The following VPS52 variants were observed in gnomAD, a reference collection of about 807,000 sequenced individuals.
The protein encoded by VPS52 is vacuolar protein sorting-associated protein 52 homolog.
In VPS52, 56 loss-of-function variants were observed where a neutral mutation model predicts 98.7. That is an observed-to-expected ratio of 0.57 (90% CI 0.46 to 0.71). The LOEUF is 0.71. Ranked by LOEUF, VPS52 falls within the 30% of genes least tolerant of loss-of-function variation. VPS52 has a pLI of 0.00. For missense variants in VPS52, 742 were observed against 925.9 expected (o/e 0.80, Z 2.58); for synonymous variants, 348 against 346.4 (o/e 1.00, Z -0.05).
intron 5 of VPS52, 120 bp from the exon 6 acceptor site, chr6:33,269,309 A>C: frequency 1.4e-6 from 2 of 1,438,296 alleles, no homozygotes; most frequent in Non-Finnish European, 1.9e-6. Context: ...AGATGATGAG[A>C]CACCCCAGAT....
At chr6:33,252,980 T>C (rs1762484150) in intron 17 of VPS52, among the ~76,000 whole-genome samples, 2 of 152,020 alleles carry the variant, frequency 1.3e-5, no homozygotes, top group Non-Finnish European at 2.9e-5. Flanking sequence ...TTCCATCTAA[T>C]TACACACTTA....
rs9280385 is a variant in VPS52, at chr6:33,256,463, C to CAAAAAAAAAAAA, written c.1795-4504_1795-4493dup. ...CTGAGTGACAGAGCAAAACCTGTCT[C>CAAAAAAAAAAAA]AAAAAAAAAAAAAAAAAAAAAAAAA... On this transcript the variant is annotated intron_variant, in intron 17 of 19. Coordinates refer to ENST00000445902, the MANE Select transcript of VPS52 (RefSeq NM_022553.6). Among the ~76,000 whole-genome samples the CAAAAAAAAAAAA allele has an allele frequency of 7.6e-4, 64 of 83,736 alleles. 3 individuals carry two copies. The highest frequency in any genetic ancestry group is 1.6e-3 in the South Asian group (4 of 2,464). 54.9% of individuals were successfully genotyped at this position (83,736 alleles called of 152,430 possible). A position where few individuals can be genotyped will look rare whatever the true frequency, so the allele number is the denominator to read the frequency against.
chr6:33,268,689 C>G lies in VPS52; in HGVS notation c.549-40G>C. 1 of 1,561,208 alleles carries G rather than the reference C, an allele frequency of 6.4e-7. No individual in the cohort carries two copies. Among genetic ancestry groups the G allele is most frequent in the Non-Finnish European group, 8.6e-7 (1 of 1,159,630 alleles). On this transcript the variant is annotated intron_variant, in intron 6 of 19. Transcript: ENST00000445902. The surrounding 1 kb of genome is among the most constrained non-coding windows in gnomAD (Gnocchi z 4.0). ...GGGGTGGGATGAGTTACAAGGGAGA[C>G]CCAGACATCCCTAAACCAGACCCAG... is the stretch of plus-strand genomic sequence containing the variant.
At chr6:33,264,619 T>TG (rs1268222636) in intron 13 of VPS52, 122 bp from the exon 14 acceptor site, 22 of 1,493,346 alleles carry the variant, frequency 1.5e-5, no homozygotes, top group Non-Finnish European at 1.9e-5. Context: ...GGGCAGTGGT[T>TG]GGAGAAAGGT....
chr6:33,264,939 T>C (rs769657198), intron 12 of VPS52, 39 bp from the exon 13 acceptor site: 4 of 1,548,444 alleles, frequency 2.6e-6, no homozygotes, highest in Non-Finnish European at 3.6e-6. Flanking sequence ...TAAAAGAGAA[T>C]GTCAGTTTGT....
chr6:33,268,617 C>A lies in VPS52; in HGVS notation c.581G>T (p.Arg194Met). ...AILEAPVTEP[R>M]FLEQLQELDA... ...CAGCTCCTGTAGCTGCTCCAAGAAC[C>A]TGGGCTCTGTCACTGGAGCCTCCAG... Residue 194 changes from arginine (R) to methionine (M), a missense_variant, in exon 7 of 20, where the codon AGG (arginine) becomes ATG (methionine). Coordinates refer to ENST00000445902, the MANE Select transcript of VPS52 (RefSeq NM_022553.6). The surrounding 1 kb of genome is among the most constrained non-coding windows in gnomAD (Gnocchi z 4.0). 1.2e-6 allele frequency: 2 copies of A among 1,609,140 alleles called. No homozygotes were observed. The highest frequency in any genetic ancestry group is 8.5e-7 in the Non-Finnish European group (1 of 1,179,848).
At chr6:33,270,121 C>G in intron 2 of VPS52, 70 bp from the exon 3 acceptor site, 1 of 1,612,704 alleles carries the variant, frequency 6.2e-7, no homozygotes, top group Non-Finnish European at 8.5e-7. Flanking sequence ...TATCTGCACA[C>G]CAATCCCTAC....
chr6:33,259,159 T>C (rs564831115), intron 17 of VPS52, among the ~76,000 whole-genome samples: 3 of 152,296 alleles, frequency 2.0e-5, no homozygotes, highest in African/African-American at 7.2e-5. Context: ...TAAAGATTAA[T>C]TGACAAAGAC....
intron 12 of VPS52, 131 bp from the exon 13 acceptor site, chr6:33,265,031 G>C: frequency 1.2e-6 from 1 of 826,808 alleles, no homozygotes; most frequent in Non-Finnish European, 2.0e-6. Context: ...GACGTAAAAT[G>C]GAACTGCCCC....
Position 33,267,152 on chromosome 6 carries a change from G to A in VPS52, c.1125+36C>T, listed in dbSNP as rs1223929563. ...GCCTTCCCTCCCCACCGTGCTCAGA[G>A]CCTCTTTCGTGACTGAAGCTTGTTC... On this transcript the variant is annotated intron_variant, in intron 11 of 19. Transcript: ENST00000445902. This position sits in a 1 kb window ranked among gnomAD's most constrained non-coding sequence, Gnocchi z 4.2. 6.8e-7 allele frequency: 1 copy of A among 1,463,708 alleles called. No individual in the cohort carries two copies. The highest frequency in any genetic ancestry group is 9.0e-7 in the Non-Finnish European group (1 of 1,105,964). The allele number at this position is 1,463,708 out of a possible 1,614,324, so 90.7% of individuals were successfully genotyped here. A position where few individuals can be genotyped will look rare whatever the true frequency, so the allele number is the denominator to read the frequency against.
chr6:33,261,607 G>A (rs976525334), intron 17 of VPS52, among the ~76,000 whole-genome samples: 33 of 152,090 alleles, frequency 2.2e-4, no homozygotes, highest in African/African-American at 8.0e-4. Flanking sequence ...TTAAATCTAA[G>A]ACCAAATTAT....
chr6:33,268,296 T>C lies in VPS52; in HGVS notation c.700-88A>G, dbSNP rs1006833102. 9.8e-6 allele frequency: 14 copies of C among 1,422,712 alleles called. No homozygotes were observed. The African/African-American group carries it at 1.4e-4, about 14-fold the overall frequency. 88.1% of individuals were successfully genotyped at this position (1,422,712 alleles called of 1,614,324 possible). The stretch of plus-strand genomic sequence containing the variant: ...TGGGGGAAGCAACAAATGGTAAACA[T>C]AGGCAGAAGGGTGGTGAATATCTCT... On this transcript the variant is annotated intron_variant, in intron 7 of 19. Transcript: ENST00000445902. The surrounding 1 kb of genome is among the most constrained non-coding windows in gnomAD (Gnocchi z 4.0).
intron 1 of VPS52, 90 bp from the exon 2 acceptor site, chr6:33,270,373 G>T: frequency 7.9e-7 from 1 of 1,262,640 alleles, no homozygotes; most frequent in Non-Finnish European, 1.1e-6. Flanking sequence ...CAAGTGAGAA[G>T]GAGCTGCTTT....
At chr6:33,256,282 A>C (rs979220841) in intron 17 of VPS52, among the ~76,000 whole-genome samples, 1 of 151,592 alleles carries the variant, frequency 6.6e-6, no homozygotes, top group East Asian at 1.9e-4. Context: ...CAAAAAATTA[A>C]ATTTTTAAAT....
chr6:33,270,648 A>G (rs1288641106), intron 1 of VPS52, among the ~76,000 whole-genome samples: 2 of 152,084 alleles, frequency 1.3e-5, no homozygotes, highest in African/African-American at 4.8e-5. Context: ...AAAAAGGTAA[A>G]AGACAAGACA....
rs771592185 is a variant in VPS52, at chr6:33,269,812, T to C, written c.236A>G (p.Asp79Gly). ...LVKEALKTGV[D>G]LRHYSKQVEL... Reference sequence around the variant, plus strand: ...AACTTGCTTTGAATAGTGACGGAGATCTACACCCTGGGAGAACATAAAGAT... The same window carrying C: ...AACTTGCTTTGAATAGTGACGGAGACCTACACCCTGGGAGAACATAAAGAT... The change falls in exon 4 of 20, where the codon GAT becomes GGT. Residue 79 changes from aspartate (D) to glycine (G), a missense_variant. Physicochemically the swap from Asp to Gly is moderately conservative, Grantham distance 94 (BLOSUM62 -1). This residue lies in a region of VPS52 where 152 missense variants were observed against 132.6 expected (regional missense o/e 1.15). Coordinates refer to ENST00000445902, the MANE Select transcript of VPS52 (RefSeq NM_022553.6). The C allele has an allele frequency of 6.2e-7, 1 of 1,613,646 alleles. No homozygotes were observed. Among genetic ancestry groups the C allele is most frequent in the Non-Finnish European group, 8.5e-7 (1 of 1,179,912 alleles).
In VPS52 at chr6:33,264,822, G is replaced by A. The variant is rs996116242; in HGVS notation, c.1360C>T (p.Arg454Cys). 34 of 1,612,942 alleles carry A rather than the reference G, an allele frequency of 2.1e-5. 2 individuals carry two copies. In the East Asian group the frequency reaches 3.1e-4, roughly 15 times the overall value. ...FLCIHIVLRF[R>C]NIAAKRDVPA... ...ACATCCCTCTTTGCTGCAATGTTAC[G>A]GAACCGGAGAACAATGTGGATACAG... Residue 454 changes from arginine to cysteine, a missense_variant, in exon 13 of 20, where the codon CGT becomes TGT. Transcript: ENST00000445902.
chr6:33,255,857 C>T (rs1048281259), intron 17 of VPS52, among the ~76,000 whole-genome samples: 2 of 149,658 alleles, frequency 1.3e-5, no homozygotes, highest in East Asian at 3.9e-4. Flanking sequence ...TCCCCTCAAA[C>T]TCTCAAACTC....
At position 33,270,256 on chromosome 6, in the gene VPS52, G is replaced by C. The variant is rs780707610; in HGVS notation, c.118C>G (p.Leu40Val). 12 of 1,613,242 alleles carry C rather than the reference G, an allele frequency of 7.4e-6. No individual in the cohort carries two copies. Among genetic ancestry groups the C allele is most frequent in the Non-Finnish European group, 1.0e-5 (12 of 1,179,350 alleles). ...GTGATATCCAACTCCCCAAGTTGCA[G>C]TGGTTCCTGGAGCCCAGGACCACCC... The part of the protein sequence containing the change: ...LAGGPGLQEP[L>V]QLGELDITSD... The change falls in exon 2 of 20, where the codon CTG becomes GTG. Residue 40 changes from leucine (L) to valine (V), a missense_variant. Leu to Val is a conservative substitution (Grantham distance 32). Transcript: ENST00000445902.
Sources: gnomAD v4.1 joint callset for allele counts (sites outside exome capture counted in the v4.1 genomes callset) on GRCh38, gnomAD v4.1.1 for gene constraint, gnomAD v4.1.1 regional missense constraint, Gnocchi (gnomAD v3.1) non-coding constraint, MANE v1.5 for transcripts, NCBI Gene and HGNC (gene_info 2026-07-23, HGNC 2026-07-21) for gene names.